Variants in RANBP2 observed in about 807,000 individuals in gnomAD.
RANBP2 encodes the protein RAN binding protein 2.
In RANBP2, 57 loss-of-function variants were observed where a neutral mutation model predicts 303.6. That is an observed-to-expected ratio of 0.19 (90% CI 0.15 to 0.23). The LOEUF (loss-of-function observed/expected upper bound fraction) is 0.23, where lower values mean the gene tolerates loss of function less well. RANBP2 is among the 10% of genes least tolerant of loss of function. The pLI is 1.00. For missense variants in RANBP2, 3,138 were observed against 3,780.8 expected, an observed-to-expected ratio of 0.83 and a Z score of 4.46; for synonymous variants, 1,167 against 1,301.5, an observed-to-expected ratio of 0.90 and a Z score of 2.23.
the RANBP2 span, among the ~76,000 whole-genome samples, chr2:109,565,054 T>C: frequency 3.3e-5 from 5 of 152,342 alleles, no homozygotes; most frequent in South Asian, 2.1e-4. Flanking sequence ...CACACTTACA[T>C]GATCCTTCTT....
the RANBP2 span, among the ~76,000 whole-genome samples, chr2:109,459,984 G>A: frequency 6.6e-6 from 1 of 152,324 alleles, no homozygotes; most frequent in Non-Finnish European, 1.5e-5. Flanking sequence ...TCCCAGCCCT[G>A]CAAGGGACTG....
At chr2:108,939,496 C>T in the RANBP2 span, among the ~76,000 whole-genome samples, 2 of 152,090 alleles carry the variant, frequency 1.3e-5, no homozygotes, top group African/African-American at 4.8e-5. Context: ...GTCAGGAGGA[C>T]TGTCCCAAGT....
the RANBP2 span, among the ~76,000 whole-genome samples, chr2:109,420,603 G>A: frequency 3.9e-5 from 6 of 152,006 alleles, no homozygotes; most frequent in Middle Eastern, 3.2e-3. Context: ...CAGCCACCAC[G>A]CCTGGCTAAA....
chr2:109,281,978 T>C, the RANBP2 span, among the ~76,000 whole-genome samples: 1 of 152,112 alleles, frequency 6.6e-6, no homozygotes, highest in Non-Finnish European at 1.5e-5. Context: ...GGCCGAGCGC[T>C]GGGCCAGGCT....
the RANBP2 span, among the ~76,000 whole-genome samples, chr2:108,893,176 T>C: frequency 6.0e-5 from 9 of 150,206 alleles, no homozygotes; most frequent in South Asian, 1.5e-3. Context: ...CATATTACTA[T>C]TGATTTTAAT....
At chr2:109,355,778 G>A in the RANBP2 span, among the ~76,000 whole-genome samples, 15 of 152,190 alleles carry the variant, frequency 9.9e-5, 1 homozygote, top group Admixed American at 6.5e-4. Flanking sequence ...CAGTCTTGCC[G>A]TCTTCATATA....
chr2:109,226,805 A>C, the RANBP2 span, among the ~76,000 whole-genome samples: 2 of 152,226 alleles, frequency 1.3e-5, no homozygotes, highest in Non-Finnish European at 2.9e-5. Flanking sequence ...CTTAGTAAGA[A>C]GAACAGCTGG....
chr2:109,113,734 C>G, the RANBP2 span, among the ~76,000 whole-genome samples: 4 of 152,146 alleles, frequency 2.6e-5, no homozygotes, highest in African/African-American at 4.8e-5. Context: ...GGAATGCTTC[C>G]AGTTTTTGCC....
chr2:109,639,693 C>CA, the RANBP2 span, among the ~76,000 whole-genome samples: 13 of 151,450 alleles, frequency 8.6e-5, no homozygotes, highest in Admixed American at 6.6e-4. Flanking sequence ...GTTAAGAGGT[C>CA]ATTTATGTTT....
chr2:109,372,118 A>T, the RANBP2 span, among the ~76,000 whole-genome samples: 1 of 152,232 alleles, frequency 6.6e-6, no homozygotes, highest in Non-Finnish European at 1.5e-5. Context: ...GTTGCTGGCC[A>T]TCTGCAAAGT....
the RANBP2 span, among the ~76,000 whole-genome samples, chr2:109,476,109 C>G: frequency 6.6e-6 from 1 of 152,178 alleles, no homozygotes; most frequent in Non-Finnish European, 1.5e-5. Context: ...GTTAAGTGTT[C>G]TTACCAAACT....
chr2:109,598,226 C>T, the RANBP2 span, among the ~76,000 whole-genome samples: 214 of 152,054 alleles, frequency 1.4e-3, 1 homozygote, highest in Non-Finnish European at 2.4e-3. Context: ...CACCACCACA[C>T]CTGGCTAACT....
the RANBP2 span, among the ~76,000 whole-genome samples, chr2:109,248,795 CTG>C: frequency 6.7e-6 from 1 of 150,130 alleles, no homozygotes; most frequent in Non-Finnish European, 1.5e-5. Context: ...CTTTCTCTTT[CTG>C]TCTCTCTTTC....
At chr2:109,135,883 C>G in the RANBP2 span, among the ~76,000 whole-genome samples, 1 of 152,134 alleles carries the variant, frequency 6.6e-6, no homozygotes, top group Admixed American at 6.5e-5. Flanking sequence ...AGGGAAAAAA[C>G]GTCTAAGCCA....
the RANBP2 span, among the ~76,000 whole-genome samples, chr2:109,110,668 C>G: frequency 6.6e-6 from 1 of 152,246 alleles, no homozygotes; most frequent in Non-Finnish European, 1.5e-5. Context: ...AGAGTTTCAT[C>G]TGCACTCTGT....
chr2:109,194,045 T>C, the RANBP2 span, among the ~76,000 whole-genome samples: 2 of 152,356 alleles, frequency 1.3e-5, no homozygotes, highest in East Asian at 3.9e-4. Flanking sequence ...TCTGCCTGTG[T>C]GTGTGCACAG....
In RANBP2 at chr2:108,777,143, A is replaced by C. The variant is rs1413906688; in HGVS notation, c.8511A>C (p.Ile2837=). The change falls in exon 25 of 29, where the codon ATA becomes ATC. Residue 2837 remains isoleucine (I), a synonymous_variant. Transcript: ENST00000283195. ...TTCTTTTGCCAGGGGAAAGCAAGAT[A>C]GTTTCATTTGGATTTGGAAGTAGCA... ...TDSTSQGESK[I]VSFGFGSSTG... 6.2e-7 allele frequency: 1 copy of C among 1,613,268 alleles called. No homozygotes were observed. The highest frequency in any genetic ancestry group is 8.5e-7 in the Non-Finnish European group (1 of 1,179,402).
At chr2:109,179,329 A>G in the RANBP2 span, among the ~76,000 whole-genome samples, 2 of 152,204 alleles carry the variant, frequency 1.3e-5, no homozygotes, top group African/African-American at 2.4e-5. Context: ...AGAGCTGCTG[A>G]CAGTGAGTCC....
At chr2:108,896,834 G>T in the RANBP2 span, 1 of 1,456,966 alleles carries the variant, frequency 6.9e-7, no homozygotes, top group Non-Finnish European at 9.4e-7. Flanking sequence ...CAGTCTTTTG[G>T]CACCACTCAC....
Sources: gnomAD v4.1 joint callset for allele counts (sites outside exome capture counted in the v4.1 genomes callset) on GRCh38, gnomAD v4.1.1 for gene constraint, MANE v1.5 for transcripts, NCBI Gene and HGNC (gene_info 2026-07-23, HGNC 2026-07-21) for gene names.